Variants in CRELD1 observed in about 807,000 individuals in gnomAD.
The protein encoded by CRELD1 is protein disulfide isomerase CRELD1.
CRELD1 carries 42 observed loss-of-function variants against 58.2 expected under a neutral mutation model. The observed-to-expected ratio is 0.72, with a 90% CI of 0.56 to 0.93. The LOEUF is 0.93. Ranked by LOEUF, CRELD1 falls within the 40% of genes least tolerant of loss-of-function variation. The pLI is 0.00. For synonymous variants in CRELD1, 222 were observed against 202.0 expected (o/e 1.10, Z -0.84); for missense variants, 500 against 540.6 (o/e 0.92, Z 0.74).
chr3:9,934,971 C>A, intron 3 of CRELD1, 54 bp downstream of exon 3: 2 of 1,455,820 alleles, frequency 1.4e-6, no homozygotes, highest in South Asian at 1.2e-5. Context: ...CAAATCTCTG[C>A]TCTGCTGGTG....
intron 5 of CRELD1, among the ~76,000 whole-genome samples, chr3:9,939,014 G>A (rs2085272924): frequency 6.6e-6 from 1 of 151,814 alleles, no homozygotes; most frequent in Non-Finnish European, 1.5e-5. Context: ...AAATAGTGGG[G>A]CATGGTAGTG....
intron 3 of CRELD1, among the ~76,000 whole-genome samples, chr3:9,935,546 G>A (rs1025319103): frequency 2.0e-5 from 3 of 152,186 alleles, no homozygotes; most frequent in Admixed American, 6.5e-5. Context: ...TGGGAGGCAA[G>A]TGCATCATCT....
chr3:9,941,742 A>T (rs1559338046), intron 7 of CRELD1, among the ~76,000 whole-genome samples: 3 of 142,844 alleles, frequency 2.1e-5, no homozygotes, highest in Admixed American at 7.3e-5. Context: ...GTGAGCCGAG[A>T]TCGCACCACT....
At chr3:9,942,765 C>T (rs1391362467) in intron 7 of CRELD1, 48 bp from the exon 8 acceptor site, 1 of 1,474,318 alleles carries the variant, frequency 6.8e-7, no homozygotes, top group East Asian at 2.3e-5. Flanking sequence ...GCTTCAGCTT[C>T]CCTACTAAAT....
At chr3:9,935,368 G>T (rs1255583476) in intron 3 of CRELD1, among the ~76,000 whole-genome samples, 1 of 152,162 alleles carries the variant, frequency 6.6e-6, no homozygotes, top group East Asian at 1.9e-4. Flanking sequence ...AAGCCTCGAG[G>T]GCTACAGAAA....
chr3:9,940,700 G>T (rs1021115725), intron 5 of CRELD1, 150 bp from the exon 6 acceptor site: 41 of 600,928 alleles, frequency 6.8e-5, no homozygotes, highest in Non-Finnish European at 1.2e-4. Context: ...GGAGAGGGAG[G>T]CCATGGGGAG....
intron 5 of CRELD1, 133 bp from the exon 6 acceptor site, chr3:9,940,717 A>C (rs1488068022): frequency 3.8e-6 from 2 of 528,330 alleles, no homozygotes; most frequent in Admixed American, 2.7e-5. Context: ...GGAGAGGGAG[A>C]GGGAAAGGGG....
At chr3:9,935,237 A>G (rs1039382634) in intron 3 of CRELD1, among the ~76,000 whole-genome samples, 6 of 152,156 alleles carry the variant, frequency 3.9e-5, no homozygotes, top group African/African-American at 1.2e-4. Flanking sequence ...GGAAGTGAAG[A>G]AGCGAGCTAT....
intron 8 of CRELD1, 75 bp downstream of exon 8, chr3:9,942,971 C>G: frequency 6.5e-7 from 1 of 1,545,496 alleles, no homozygotes; most frequent in Non-Finnish European, 8.9e-7. Flanking sequence ...CCCTCCAAAC[C>G]TTCCCCTTCT....
At chr3:9,934,946 T>C (rs759325946) in intron 3 of CRELD1, 29 bp downstream of exon 3, 1 of 1,562,018 alleles carries the variant, frequency 6.4e-7, no homozygotes, top group Non-Finnish European at 8.8e-7. Context: ...AAGGGGTGTA[T>C]ATTCCCCTCC....
At chr3:9,939,538 A>G (rs533125083) in intron 5 of CRELD1, among the ~76,000 whole-genome samples, 1 of 152,238 alleles carries the variant, frequency 6.6e-6, no homozygotes, top group South Asian at 2.1e-4. Context: ...ATGACTCTCA[A>G]CCAGCATGCT....
At position 9,942,900 on chromosome 3, in the gene CRELD1, A is replaced by T; in HGVS notation, c.817+4A>T. The T allele has an allele frequency of 6.2e-7, 1 of 1,613,182 alleles. No individual in the cohort carries two copies. Among genetic ancestry groups the T allele is most frequent in the Admixed American group, 1.7e-5 (1 of 60,032 alleles). On this transcript the variant is annotated splice_donor_region_variant and intron_variant, in intron 8 of 10. Coordinates refer to ENST00000452070, the MANE Select transcript of CRELD1 (RefSeq NM_001077415.3). ...GAGGGCTCCTATGAGTGCCGAGGTC[A>T]GTGTCTACTTCTGCAGAGGAGGGGA... is the stretch of plus-strand genomic sequence containing the variant.
chr3:9,937,530 T>C, intron 3 of CRELD1, 32 bp from the exon 4 acceptor site: 4 of 1,453,774 alleles, frequency 2.8e-6, no homozygotes, highest in Non-Finnish European at 3.8e-6. Flanking sequence ...GGGTGGGGCA[T>C]GTTTCCCACC....
chr3:9,941,557 A>G (rs1170040040), intron 7 of CRELD1, among the ~76,000 whole-genome samples: 4 of 151,800 alleles, frequency 2.6e-5, no homozygotes, highest in Non-Finnish European at 4.4e-5. Flanking sequence ...TTGGGAGGCC[A>G]AGGCGGGCAG....
rs200125509 is a variant in CRELD1 at position 9,938,062 on chromosome 3, T to A, written c.416T>A (p.Leu139Gln). The A allele has an allele frequency of 6.2e-7, 1 of 1,614,006 alleles. No individual in the cohort carries two copies. The highest frequency in any genetic ancestry group is 2.2e-5 in the East Asian group (1 of 44,882). ...DLFQWLCSDS[L>Q]KLCCPAGTFG... ...TTCCAGTGGCTGTGCTCAGATTCCC[T>A]GAAGCTCTGCTGCCCCGCAGGCACC... The change falls in exon 5 of 11, where the codon CTG (leucine) becomes CAG (glutamine). Residue 139 changes from leucine to glutamine, a missense_variant. Transcript: ENST00000452070.
At position 9,938,070 on chromosome 3, in the gene CRELD1, T is replaced by A; in HGVS notation, c.424T>A (p.Cys142Ser). 1.2e-6 allele frequency: 2 copies of A among 1,614,020 alleles called. No individual in the cohort carries two copies. Among genetic ancestry groups the A allele is most frequent in the Non-Finnish European group, 1.7e-6 (2 of 1,180,018 alleles). ...GCTGTGCTCAGATTCCCTGAAGCTC[T>A]GCTGCCCCGCAGGCACCTTCGGGCC... ...QWLCSDSLKLCCPAGTFGPSC... is the reference protein window; with the variant it reads ...QWLCSDSLKLSCPAGTFGPSC... The change falls in exon 5 of 11, where the codon TGC becomes AGC. Residue 142 changes from cysteine (C) to serine (S), a missense_variant. Physicochemically the swap from Cys to Ser is moderately radical, Grantham distance 112. Coordinates refer to ENST00000452070, the MANE Select transcript of CRELD1 (RefSeq NM_001077415.3).
In CRELD1 at chr3:9,940,887, C is replaced by T. The variant is rs146437600; in HGVS notation, c.498C>T (p.Tyr166=). The T allele has an allele frequency of 2.7e-4, 438 of 1,613,664 alleles. 3 individuals are homozygous for T. The African/African-American group carries it at 4.8e-3, about 18-fold the overall frequency. Residue 166 remains tyrosine, a synonymous_variant, in exon 6 of 11, where the codon TAC becomes TAT. Transcript: ENST00000452070. ...GAACAGAGAGGCCCTGCGGTGGCTA[C>T]GGGCAGTGTGAAGGAGAAGGGACAC... ...PGGTERPCGG[Y]GQCEGEGTRG...
intron 5 of CRELD1, among the ~76,000 whole-genome samples, chr3:9,940,450 G>A (rs534586585): frequency 5.3e-5 from 8 of 152,208 alleles, no homozygotes; most frequent in East Asian, 1.9e-4. Flanking sequence ...CGGATCACTC[G>A]CGTTTAGGAG....
intron 7 of CRELD1, among the ~76,000 whole-genome samples, chr3:9,941,474 C>T (rs1466054249): frequency 6.6e-6 from 1 of 152,026 alleles, no homozygotes; most frequent in Non-Finnish European, 1.5e-5. Context: ...TTGGAGGAGG[C>T]GTTACTTTGG....
Sources: allele counts gnomAD v4.1 joint callset (sites outside exome capture counted in the v4.1 genomes callset), GRCh38; gene constraint gnomAD v4.1.1; transcripts MANE v1.5; gene names NCBI Gene and HGNC (gene_info 2026-07-23, HGNC 2026-07-21).